ANK2: variants seen among roughly 807,000 people sequenced by gnomAD.
The protein encoded by ANK2 is ankyrin 2.
ANK2 carries 83 observed loss-of-function variants against 360.5 expected under a neutral mutation model. The observed-to-expected ratio is 0.23, with a 90% CI of 0.19 to 0.28. ANK2 has a LOEUF of 0.28. Among genes scored for constraint, ANK2 ranks in the 10% least tolerant of loss-of-function variants. The pLI, the probability that ANK2 is intolerant of heterozygous loss-of-function variation, is 1.00. For synonymous variants in ANK2, 1,740 were observed against 1,759.5 expected (o/e 0.99, Z 0.28); for missense variants, 4,201 against 4,795.7 (o/e 0.88, Z 3.66).
chr4:112,962,988 C>A (rs1490953730), intron 2 of ANK2, among the ~76,000 whole-genome samples: 1 of 152,042 alleles, frequency 6.6e-6, no homozygotes, highest in Non-Finnish European at 1.5e-5. Flanking sequence ...TGAATATTTA[C>A]TGATTATATA....
At chr4:113,350,998 C>T (rs889359838) in intron 37 of ANK2, among the ~76,000 whole-genome samples, 6 of 151,910 alleles carry the variant, frequency 3.9e-5, no homozygotes, top group Admixed American at 3.3e-4. Flanking sequence ...TTTTGACAGA[C>T]CTTAAAAGAG....
At chr4:113,015,565 T>C (rs771022641) in intron 2 of ANK2, among the ~76,000 whole-genome samples, 3 of 152,236 alleles carry the variant, frequency 2.0e-5, no homozygotes, top group Non-Finnish European at 2.9e-5. Flanking sequence ...TTTTGCTTAC[T>C]GCCCTTAATT....
intron 22 of ANK2, 103 bp from the exon 23 acceptor site, chr4:113,302,664 G>C: frequency 5.4e-5 from 47 of 878,208 alleles, no homozygotes; most frequent in East Asian, 2.8e-4. Flanking sequence ...GTCATGGCTC[G>C]ATGGCTTGCT....
the ANK2 span, among the ~76,000 whole-genome samples, chr4:112,785,306 A>G: frequency 3.9e-5 from 6 of 152,170 alleles, no homozygotes; most frequent in African/African-American, 1.4e-4. Flanking sequence ...ATGACCCTCA[A>G]TGAATGGGTG....
intron 2 of ANK2, among the ~76,000 whole-genome samples, chr4:112,943,640 G>T (rs187229855): frequency 2.0e-5 from 3 of 151,828 alleles, no homozygotes; most frequent in Non-Finnish European, 4.4e-5. Flanking sequence ...TAGCTCTAAC[G>T]CTTCTAATTT....
intron 2 of ANK2, among the ~76,000 whole-genome samples, chr4:112,924,045 A>G (rs1215518139): frequency 6.6e-6 from 1 of 152,214 alleles, no homozygotes; most frequent in East Asian, 1.9e-4. Flanking sequence ...TTTAAAACTA[A>G]GGGCCTTTTA....
At chr4:113,077,813 C>T (rs975536342) in intron 1 of ANK2, among the ~76,000 whole-genome samples, 5 of 152,224 alleles carry the variant, frequency 3.3e-5, no homozygotes, top group African/African-American at 1.2e-4. Context: ...CTACACAGAA[C>T]AATAGCCTGA....
intron 2 of ANK2, among the ~76,000 whole-genome samples, chr4:113,003,880 C>T (rs962586760): frequency 6.6e-6 from 1 of 152,130 alleles, no homozygotes; most frequent in African/African-American, 2.4e-5. Context: ...TTCACCTAGG[C>T]CACAAACTTG....
intron 1 of ANK2, among the ~76,000 whole-genome samples, chr4:112,842,756 T>A (rs540070252): frequency 1.6e-4 from 25 of 152,224 alleles, no homozygotes; most frequent in African/African-American, 6.0e-4. Context: ...GACTGGGGAC[T>A]GGGGACCGCT....
chr4:113,153,743 C>G (rs1459683511), intron 1 of ANK2, among the ~76,000 whole-genome samples: 1 of 152,186 alleles, frequency 6.6e-6, no homozygotes, highest in Non-Finnish European at 1.5e-5. Context: ...AAAGTGTACT[C>G]TGTGAACTAC....
At chr4:113,311,540 C>T in intron 24 of ANK2, 141 bp downstream of exon 24, 1 of 1,167,662 alleles carries the variant, frequency 8.6e-7, no homozygotes, top group Non-Finnish European at 1.2e-6. Flanking sequence ...TTATGTTTTT[C>T]CATTGTCTAA....
chr4:113,327,734 A>C (rs764559493), intron 26 of ANK2, among the ~76,000 whole-genome samples: 1 of 152,172 alleles, frequency 6.6e-6, no homozygotes, highest in Non-Finnish European at 1.5e-5. Context: ...CGAAACCATC[A>C]TGTGACATCT....
intron 1 of ANK2, among the ~76,000 whole-genome samples, chr4:113,147,110 A>G (rs2096862650): frequency 6.6e-6 from 1 of 152,214 alleles, no homozygotes; most frequent in Non-Finnish European, 1.5e-5. Flanking sequence ...GTGAACAGAA[A>G]GCCCTGTCGT....
At chr4:112,754,720 C>T in the ANK2 span, among the ~76,000 whole-genome samples, 8 of 152,182 alleles carry the variant, frequency 5.3e-5, no homozygotes, top group East Asian at 1.5e-3. Context: ...ATCTCCAGGC[C>T]ACAGTATATA....
chr4:112,874,013 G>T (rs1187321697), intron 1 of ANK2, among the ~76,000 whole-genome samples: 1 of 151,214 alleles, frequency 6.6e-6, no homozygotes, highest in Non-Finnish European at 1.5e-5. Flanking sequence ...AAAGTTTCCA[G>T]CTTTAATTTT....
chr4:112,934,014 C>T (rs1248631739), intron 2 of ANK2, among the ~76,000 whole-genome samples: 3 of 151,472 alleles, frequency 2.0e-5, no homozygotes, highest in Admixed American at 6.6e-5. Flanking sequence ...TAAAGATGCT[C>T]GGGAGATTGA....
chr4:112,811,258 G>A, the ANK2 span, among the ~76,000 whole-genome samples: 5 of 152,030 alleles, frequency 3.3e-5, no homozygotes, highest in South Asian at 6.3e-4. Context: ...TCAGTTTTCC[G>A]GTAGAATTCC....
intron 32 of ANK2, among the ~76,000 whole-genome samples, chr4:113,340,566 C>T (rs2094151757): frequency 6.6e-6 from 1 of 152,090 alleles, no homozygotes; most frequent in South Asian, 2.1e-4. Context: ...CATGGTGGCA[C>T]ACACCTGTAG....
At chr4:112,765,195 G>A in the ANK2 span, among the ~76,000 whole-genome samples, 1 of 152,166 alleles carries the variant, frequency 6.6e-6, no homozygotes, top group East Asian at 1.9e-4. Context: ...AAAGAAAAGT[G>A]ACAATTTCTT....
Sources: allele counts gnomAD v4.1 joint callset (sites outside exome capture counted in the v4.1 genomes callset), GRCh38; gene constraint gnomAD v4.1.1; transcripts MANE v1.5; gene names NCBI Gene and HGNC (gene_info 2026-07-23, HGNC 2026-07-21).